Variants in SGPP2 observed in about 807,000 individuals in gnomAD.
SGPP2 encodes sphingosine 1-phosphate phosphohydrolase 2.
A neutral mutation model predicts 33.9 loss-of-function variants in SGPP2; 30 were observed. The observed-to-expected ratio is 0.89, with a 90% confidence interval of 0.66 to 1.20. The LOEUF (loss-of-function observed/expected upper bound fraction) is 1.20, where lower values mean the gene tolerates loss of function less well. Among genes scored for constraint, SGPP2 ranks in the 50% most tolerant of loss-of-function variants. The pLI is 0.00. For missense variants in SGPP2, 458 were observed against 532.1 expected (o/e 0.86, Z 1.37); for synonymous variants, 233 against 225.0 (o/e 1.04, Z -0.32).
At chr2:222,484,717 T>C (rs1438817395) in intron 2 of SGPP2, among the ~76,000 whole-genome samples, 1 of 152,190 alleles carries the variant, frequency 6.6e-6, no homozygotes, top group Non-Finnish European at 1.5e-5. Flanking sequence ...TGGCTAAACC[T>C]GATTCCTCCT....
chr2:222,554,234 C>A lies in SGPP2; in HGVS notation c.649-4113C>A, dbSNP rs183131026. On this transcript the variant is annotated intron_variant, in intron 4 of 4. Transcript: ENST00000321276. Reference sequence around the variant, plus strand: ...AGTTAAAGAGTATCTCTGTATCTGCCCAGCTTTTAAAAATGGAAATGGTAA... The same window carrying A: ...AGTTAAAGAGTATCTCTGTATCTGCACAGCTTTTAAAAATGGAAATGGTAA... 1.1e-3 allele frequency among the ~76,000 whole-genome samples: 175 copies of A among 152,248 alleles called. 1 individual carries two copies. The Middle Eastern group carries it at 0.014, about 12-fold the overall frequency.
At chr2:222,470,670 T>C (rs561736325) in intron 1 of SGPP2, among the ~76,000 whole-genome samples, 1 of 152,344 alleles carries the variant, frequency 6.6e-6, no homozygotes, top group South Asian at 2.1e-4. Flanking sequence ...TGAGTACTTA[T>C]AATGTCATAT....
chr2:222,462,151 A>T (rs1322897028), intron 1 of SGPP2, among the ~76,000 whole-genome samples: 1 of 152,150 alleles, frequency 6.6e-6, no homozygotes, highest in East Asian at 1.9e-4. Context: ...CCTCAGGAGA[A>T]TAACACAAGC....
intron 2 of SGPP2, among the ~76,000 whole-genome samples, chr2:222,500,615 A>C (rs1473110448): frequency 3.3e-5 from 5 of 152,192 alleles, no homozygotes; most frequent in Non-Finnish European, 1.5e-5. Context: ...GTTGTGTGAA[A>C]AAATGGAAGA....
At chr2:222,458,912 A>T (rs143406894) in intron 1 of SGPP2, among the ~76,000 whole-genome samples, 339 of 152,294 alleles carry the variant, frequency 2.2e-3, no homozygotes, top group Admixed American at 7.3e-3. Context: ...CATATTAAGT[A>T]GGCCCAGATA....
intron 3 of SGPP2, among the ~76,000 whole-genome samples, chr2:222,523,038 A>G (rs963472820): frequency 1.8e-4 from 27 of 152,136 alleles, no homozygotes; most frequent in Non-Finnish European, 3.4e-4. Context: ...AAATAGCAGT[A>G]TTGTTTAGCC....
intron 2 of SGPP2, among the ~76,000 whole-genome samples, chr2:222,492,501 A>G (rs560994728): frequency 6.6e-6 from 1 of 152,206 alleles, no homozygotes; most frequent in Non-Finnish European, 1.5e-5. Flanking sequence ...GCGGGGACAC[A>G]GGGCACCAAA....
intron 1 of SGPP2, among the ~76,000 whole-genome samples, chr2:222,454,887 A>G (rs1312423195): frequency 3.3e-5 from 5 of 152,246 alleles, no homozygotes; most frequent in African/African-American, 1.2e-4. Flanking sequence ...ATGTGTGCTA[A>G]TGGCATGCTC....
chr2:222,497,250 CTTTTTTTTTT>C lies in SGPP2; in HGVS notation c.378+22536_378+22545del, dbSNP rs57363978. On this transcript the variant is annotated intron_variant, in intron 2 of 4. Coordinates refer to ENST00000321276, the MANE Select transcript of SGPP2 (RefSeq NM_152386.4). The stretch of plus-strand genomic sequence containing the variant: ...GAAAAGAGTGTCAGATCTCTTTCTT[CTTTTTTTTTT>C]TTTTTTTTTTTAGACGGAGTCTTGC... Among the ~76,000 whole-genome samples, 7 of 118,552 alleles carry C rather than the reference CTTTTTTTTTT, an allele frequency of 5.9e-5. No individual in the cohort carries two copies. The East Asian group carries it at 1.5e-3, about 25-fold the overall frequency. The allele number at this position is 118,552 out of a possible 152,430, so 77.8% of individuals were successfully genotyped here.
At chr2:222,472,778 G>A (rs189884390) in intron 1 of SGPP2, among the ~76,000 whole-genome samples, 9 of 152,282 alleles carry the variant, frequency 5.9e-5, no homozygotes, top group Non-Finnish European at 1.2e-4. Context: ...TAAACTAAAG[G>A]CCAAGGCAGG....
At chr2:222,525,711 A>C (rs529148873) in intron 4 of SGPP2, among the ~76,000 whole-genome samples, 1 of 152,238 alleles carries the variant, frequency 6.6e-6, no homozygotes, top group African/African-American at 2.4e-5. Flanking sequence ...GGCGCTATTT[A>C]TCATCGTAAT....
At chr2:222,442,454 T>TGTTTTAAAA (rs1407270411) in intron 1 of SGPP2, among the ~76,000 whole-genome samples, 5 of 152,216 alleles carry the variant, frequency 3.3e-5, no homozygotes, top group Non-Finnish European at 7.4e-5. Flanking sequence ...TATACTGGTG[T>TGTTTTAAAA]GTTTTAAAAG....
chr2:222,490,808 C>T (rs1368174275), intron 2 of SGPP2, among the ~76,000 whole-genome samples: 2 of 152,088 alleles, frequency 1.3e-5, no homozygotes, highest in Non-Finnish European at 2.9e-5. Context: ...CCTTAGTAAT[C>T]CTTTTAAAAG....
At chr2:222,447,052 A>G (rs1433639036) in intron 1 of SGPP2, among the ~76,000 whole-genome samples, 5 of 152,182 alleles carry the variant, frequency 3.3e-5, no homozygotes, top group South Asian at 2.1e-4. Flanking sequence ...CTGCTCCACA[A>G]TATCATCAGA....
intron 1 of SGPP2, among the ~76,000 whole-genome samples, chr2:222,462,340 A>G (rs915329923): frequency 6.6e-6 from 1 of 152,150 alleles, no homozygotes; most frequent in Non-Finnish European, 1.5e-5. Context: ...GACAAGACTC[A>G]TGTTAGAGCA....
chr2:222,509,415 G>A (rs1341319327), intron 2 of SGPP2, among the ~76,000 whole-genome samples: 3 of 151,852 alleles, frequency 2.0e-5, no homozygotes, highest in African/African-American at 7.2e-5. Flanking sequence ...ATTTTGATAA[G>A]AGCAATATTT....
Position 222,477,499 on chromosome 2 carries a change from G to A in SGPP2, c.378+2773G>A, listed in dbSNP as rs1697963738. The stretch of plus-strand genomic sequence containing the variant: ...TGTGTGTATATAGGTGTGTATATAT[G>A]TTTATGTGTATATATATGTCTGTGT... On this transcript the variant is annotated intron_variant, in intron 2 of 4. Transcript: ENST00000321276. This position sits in a 1 kb window ranked among gnomAD's most constrained non-coding sequence, Gnocchi z 6.0. Among the ~76,000 whole-genome samples the A allele has an allele frequency of 2.0e-5, 3 of 151,682 alleles. No homozygotes were observed. Among genetic ancestry groups the A allele is most frequent in the African/African-American group, 7.3e-5 (3 of 41,184 alleles).
chr2:222,497,276 G>A (rs531618594), intron 2 of SGPP2, among the ~76,000 whole-genome samples: 4 of 128,272 alleles, frequency 3.1e-5, no homozygotes, highest in Non-Finnish European at 4.8e-5. Context: ...TTTTTTAGAC[G>A]GAGTCTTGCT....
At chr2:222,488,747 T>C (rs1470186648) in intron 2 of SGPP2, among the ~76,000 whole-genome samples, 2 of 152,006 alleles carry the variant, frequency 1.3e-5, no homozygotes, top group African/African-American at 4.8e-5. Context: ...TAGGGGGATG[T>C]GTGTGTGTGT....
Sources: allele counts gnomAD v4.1 joint callset (sites outside exome capture counted in the v4.1 genomes callset), GRCh38; gene constraint gnomAD v4.1.1; non-coding constraint Gnocchi (gnomAD v3.1); transcripts MANE v1.5; gene names NCBI Gene and HGNC (gene_info 2026-07-23, HGNC 2026-07-21).